SLC17A5: variants seen among roughly 807,000 people sequenced by gnomAD.
SLC17A5 encodes solute carrier family 17 member 5, also known as sialin.
A neutral mutation model predicts 59.4 loss-of-function variants in SLC17A5; 47 were observed. The ratio of observed to expected loss-of-function variants is 0.79; its 90% confidence interval spans 0.63 to 1.01. The LOEUF is 1.01. Ranked by LOEUF, SLC17A5 falls within the 50% of genes least tolerant of loss-of-function variation. SLC17A5 has a pLI of 0.00. For missense variants in SLC17A5, 522 were observed against 595.5 expected, an observed-to-expected ratio of 0.88 and a Z score of 1.28; for synonymous variants, 202 against 210.7, an observed-to-expected ratio of 0.96 and a Z score of 0.36.
Position 73,638,515 on chromosome 6 carries a change from A to G in SLC17A5, c.526-16T>C, listed in dbSNP as rs752441889. 6.3e-7 allele frequency: 1 copy of G among 1,588,618 alleles called. No homozygotes were observed. The highest frequency in any genetic ancestry group is 8.6e-7 in the Non-Finnish European group (1 of 1,156,886). ...ATGTAACACCCTGAGAGAAGGGAAC[A>G]TGATATTTCTGATGAAATGTAAGGT... On this transcript the variant is annotated splice_polypyrimidine_tract_variant and intron_variant, in intron 3 of 10. Coordinates refer to ENST00000355773, the MANE Select transcript of SLC17A5 (RefSeq NM_012434.5).
chr6:73,645,541 C>A, intron 1 of SLC17A5: 1 of 958,778 alleles, frequency 1.0e-6, no homozygotes, highest in Non-Finnish European at 1.2e-6. Context: ...AATCCCAGCA[C>A]TTTGGGAAGC....
intron 9 of SLC17A5, among the ~76,000 whole-genome samples, chr6:73,601,295 C>G (rs536468163): frequency 3.0e-5 from 4 of 132,994 alleles, no homozygotes; most frequent in African/African-American, 1.1e-4. Context: ...AGTGAGGAGC[C>G]CCTCCGCCCG....
At chr6:73,643,563 A>G (rs1581989478) in intron 2 of SLC17A5, among the ~76,000 whole-genome samples, 1 of 151,384 alleles carries the variant, frequency 6.6e-6, no homozygotes, top group Admixed American at 6.6e-5. Flanking sequence ...TGCAAACTCC[A>G]CCTCCCAGGT....
At chr6:73,629,515 G>A (rs1010634702) in intron 6 of SLC17A5, among the ~76,000 whole-genome samples, 4 of 152,192 alleles carry the variant, frequency 2.6e-5, no homozygotes, top group Admixed American at 2.6e-4. Flanking sequence ...GCTCACGCTT[G>A]TAATCCCAGC....
chr6:73,607,930 T>C (rs1052049927), intron 9 of SLC17A5, among the ~76,000 whole-genome samples: 9 of 151,590 alleles, frequency 5.9e-5, no homozygotes, highest in Non-Finnish European at 1.3e-4. Flanking sequence ...GTGTGTGCCA[T>C]CACACCCTGC....
intron 6 of SLC17A5, among the ~76,000 whole-genome samples, chr6:73,628,904 AT>A (rs80111990): frequency 0.16 from 24,840 of 152,152 alleles, 3,131 homozygotes; most frequent in African/African-American, 0.35. Context: ...TTTAAAAAAA[AT>A]TTTTCTTGTC....
In SLC17A5 at chr6:73,615,309, A is replaced by G; in HGVS notation, c.1111+6T>C. 1.2e-6 allele frequency: 2 copies of G among 1,614,010 alleles called. No individual in the cohort carries two copies. Among genetic ancestry groups the G allele is most frequent in the Non-Finnish European group, 1.7e-6 (2 of 1,179,982 alleles). ...AACCAAAACAAAACCTGATTGCTTC[A>G]CTTACCTATAAGGCTAAAAATTCTG... is the stretch of plus-strand genomic sequence containing the variant. On this transcript the variant is annotated splice_donor_region_variant and intron_variant, in intron 8 of 10. Transcript: ENST00000355773.
At position 73,638,431 on chromosome 6, in the gene SLC17A5, A is replaced by G. The variant is rs771492796; in HGVS notation, c.594T>C (p.Leu198=). The G allele has an allele frequency of 1.2e-6, 2 of 1,613,844 alleles. No homozygotes were observed. The highest frequency in any genetic ancestry group is 1.7e-6 in the Non-Finnish European group (2 of 1,179,736). ...SWAPPLERSK[L]LSISYAGAQL... is the part of the protein sequence containing the mutation. ...TCTCACCTGCATATGAAATGCTAAG[A>G]AGTTTGCTTCTTTCAAGAGGGGGAG... Residue 198 remains leucine (L), a synonymous_variant, in exon 4 of 11, where the codon CTT becomes CTC. Coordinates refer to ENST00000355773, the MANE Select transcript of SLC17A5 (RefSeq NM_012434.5).
chr6:73,620,722 A>G (rs1392130150), intron 7 of SLC17A5, among the ~76,000 whole-genome samples: 1 of 141,554 alleles, frequency 7.1e-6, no homozygotes, highest in African/African-American at 2.6e-5. Context: ...CCTTGTTAGC[A>G]TTTTTTTTTT....
At chr6:73,601,601 TG>T (rs1767104474) in intron 9 of SLC17A5, among the ~76,000 whole-genome samples, 1 of 39,110 alleles carries the variant, frequency 2.6e-5, no homozygotes. Context: ...TGAGGAGCCC[TG>T]CTGCCCGGCC....
At chr6:73,603,442 CAG>C (rs1767252534) in intron 9 of SLC17A5, among the ~76,000 whole-genome samples, 2 of 131,870 alleles carry the variant, frequency 1.5e-5, no homozygotes, top group East Asian at 2.3e-4. Context: ...TTTTTTGAGA[CAG>C]AGTTTCACTC....
chr6:73,625,144 C>A (rs952711166), intron 6 of SLC17A5, among the ~76,000 whole-genome samples: 3 of 152,090 alleles, frequency 2.0e-5, no homozygotes, highest in Non-Finnish European at 2.9e-5. Flanking sequence ...TACTTGACAT[C>A]TTTGTAGATA....
chr6:73,619,538 C>G (rs1768041637), intron 7 of SLC17A5, among the ~76,000 whole-genome samples: 1 of 149,122 alleles, frequency 6.7e-6, no homozygotes, highest in Non-Finnish European at 1.5e-5. Context: ...TTAAAAAAAA[C>G]AAAAACAAAA....
intron 8 of SLC17A5, among the ~76,000 whole-genome samples, chr6:73,611,695 T>C (rs545599080): frequency 6.6e-6 from 1 of 152,288 alleles, no homozygotes; most frequent in African/African-American, 2.4e-5. Flanking sequence ...GAGAAGAGAC[T>C]TAATGAGTGG....
chr6:73,630,425 G>A (rs975978019), intron 6 of SLC17A5, among the ~76,000 whole-genome samples: 2 of 152,176 alleles, frequency 1.3e-5, no homozygotes, highest in Non-Finnish European at 2.9e-5. Context: ...TTGGATAACT[G>A]AGAAAACATT....
In SLC17A5 at chr6:73,594,393, A is replaced by ACCT. The variant is rs1766707280; in HGVS notation, c.*683_*684insAGG. 1.3e-5 allele frequency: 2 copies of ACCT among 154,542 alleles called. No individual in the cohort carries two copies. Among genetic ancestry groups the ACCT allele is most frequent in the African/African-American group, 4.8e-5 (2 of 41,586 alleles). 9.6% of individuals were successfully genotyped at this position (154,542 alleles called of 1,614,324 possible). Reference sequence around the variant, plus strand: ...CTGGGAAGGGAAAGTTTGAGGATGTATCAAGACCATAGCAGTGGATCTCAC... The same window carrying ACCT: ...CTGGGAAGGGAAAGTTTGAGGATGTACCTTCAAGACCATAGCAGTGGATCTCAC... On this transcript the variant is annotated 3_prime_UTR_variant, in exon 11 of 11. Transcript: ENST00000355773.
At chr6:73,641,621 A>T (rs1769288009) in intron 3 of SLC17A5, 70 bp downstream of exon 3, 2 of 1,185,782 alleles carry the variant, frequency 1.7e-6, no homozygotes, top group African/African-American at 1.5e-5. Context: ...CATACCAAAG[A>T]ATGACATCTT....
chr6:73,630,299 T>C (rs1385157161), intron 6 of SLC17A5, among the ~76,000 whole-genome samples: 1 of 152,214 alleles, frequency 6.6e-6, no homozygotes, highest in Non-Finnish European at 1.5e-5. Context: ...CCTATTTCTC[T>C]TCTTGTAGAA....
Position 73,653,843 on chromosome 6 carries a change from T to G in SLC17A5, c.44A>C (p.Glu15Ala), listed in dbSNP as rs201942170. The G allele has an allele frequency of 4.4e-6, 7 of 1,606,404 alleles. No individual in the cohort carries two copies. The highest frequency in any genetic ancestry group is 5.9e-6 in the Non-Finnish European group (7 of 1,177,476). Residue 15 changes from glutamate to alanine, a missense_variant, in exon 1 of 11, where the codon GAG becomes GCG. Around this residue, in one of 3 missense-constraint regions of SLC17A5, gnomAD observed 338 missense variants for 363.8 expected, o/e 0.93. Transcript: ENST00000355773. ...TAGAAGAGGCGTGCGGTCCGTGCTC[T>G]CCTCGCCATCGTTCCGGGCCAGGTC... Reference protein sequence around the residue: ...VRDLARNDGEESTDRTPLLPG... With the variant: ...VRDLARNDGEASTDRTPLLPG...
Sources: gnomAD v4.1 joint callset for allele counts (sites outside exome capture counted in the v4.1 genomes callset) on GRCh38, gnomAD v4.1.1 for gene constraint, gnomAD v4.1.1 regional missense constraint, MANE v1.5 for transcripts, NCBI Gene and HGNC (gene_info 2026-07-23, HGNC 2026-07-21) for gene names.